Variants in ZNF385D observed in about 807,000 individuals in gnomAD.
ZNF385D encodes zinc finger protein 385D, also known as zinc finger protein 659.
In ZNF385D, 15 loss-of-function variants were observed where a neutral mutation model predicts 35.8. That is an observed-to-expected ratio of 0.42 (90% CI 0.28 to 0.64). The LOEUF (loss-of-function observed/expected upper bound fraction) is 0.64. ZNF385D is among the 30% of genes least tolerant of loss of function. The pLI is 0.23. For missense variants in ZNF385D, 474 were observed against 494.6 expected, an observed-to-expected ratio of 0.96 and a Z score of 0.39; for synonymous variants, 212 against 186.8, an observed-to-expected ratio of 1.13 and a Z score of -1.10.
chr3:21,819,284 T>G (rs770731273), intron 3 of ZNF385D, among the ~76,000 whole-genome samples: 75 of 151,804 alleles, frequency 4.9e-4, no homozygotes, highest in Admixed American at 9.2e-4. Context: ...ACAATCAATG[T>G]AAATAGACTA....
At chr3:22,143,665 C>A (rs1254963257) in intron 3 of ZNF385D, among the ~76,000 whole-genome samples, 1 of 151,962 alleles carries the variant, frequency 6.6e-6, no homozygotes, top group African/African-American at 2.4e-5. Flanking sequence ...CACACTGTTA[C>A]CAACAGTAAT....
At chr3:21,743,276 T>G (rs762700342) in intron 1 of ZNF385D, among the ~76,000 whole-genome samples, 2 of 152,216 alleles carry the variant, frequency 1.3e-5, no homozygotes, top group Non-Finnish European at 1.5e-5. Context: ...GGACTTTTTT[T>G]ATAAGCATTG....
intron 3 of ZNF385D, among the ~76,000 whole-genome samples, chr3:21,978,566 G>A (rs988914361): frequency 6.6e-5 from 10 of 152,158 alleles, no homozygotes; most frequent in African/African-American, 1.4e-4. Context: ...TGAGACATAC[G>A]TTTGTAATCA....
intron 2 of ZNF385D, among the ~76,000 whole-genome samples, chr3:22,311,005 C>T (rs1043652431): frequency 1.3e-5 from 2 of 151,182 alleles, no homozygotes; most frequent in African/African-American, 4.9e-5. Context: ...TAGTATCATA[C>T]GATGAATTGA....
intron 4 of ZNF385D, among the ~76,000 whole-genome samples, chr3:21,447,247 A>C (rs769668478): frequency 6.6e-6 from 1 of 152,158 alleles, no homozygotes; most frequent in Admixed American, 6.5e-5. Flanking sequence ...GACAAAAAGA[A>C]ACTCAATTTA....
At chr3:22,046,469 C>A (rs896475749) in intron 3 of ZNF385D, among the ~76,000 whole-genome samples, 4 of 151,918 alleles carry the variant, frequency 2.6e-5, no homozygotes, top group Non-Finnish European at 4.4e-5. Flanking sequence ...ATATTTAATC[C>A]GACCAAAAAA....
In ZNF385D at chr3:22,126,369, C is replaced by T. The variant is rs542270456; in HGVS notation, c.325+42448G>A. ...TAGGCACTTGTTGCTATTAACCTTC[C>T]TCTTACTAAGGTTTGGGTATGTTGT... On this transcript the variant is annotated intron_variant, in intron 3 of 5. Coordinates refer to the ZNF385D transcript ENST00000494108. Among the ~76,000 whole-genome samples, 16 of 141,500 alleles carry T rather than the reference C, an allele frequency of 1.1e-4. No individual in the cohort carries two copies. The East Asian group carries it at 3.4e-3, about 30-fold the overall frequency. The allele number at this position is 141,500 out of a possible 152,430, so 92.8% of individuals were successfully genotyped here.
At chr3:21,981,181 C>T (rs1439757696) in intron 3 of ZNF385D, among the ~76,000 whole-genome samples, 1 of 152,132 alleles carries the variant, frequency 6.6e-6, no homozygotes, top group African/African-American at 2.4e-5. Flanking sequence ...TACACTCCTA[C>T]CAACAGTGTA....
intron 5 of ZNF385D, among the ~76,000 whole-genome samples, chr3:21,435,594 G>A (rs1200712299): frequency 1.3e-5 from 2 of 152,042 alleles, no homozygotes; most frequent in Non-Finnish European, 2.9e-5. Flanking sequence ...AGTCTCAAAG[G>A]ACATGGTGTG....
chr3:21,626,828 G>T (rs995026068), intron 2 of ZNF385D, among the ~76,000 whole-genome samples: 2 of 151,980 alleles, frequency 1.3e-5, no homozygotes, highest in African/African-American at 4.8e-5. Flanking sequence ...GCAGGCAAGT[G>T]TGTTAGAATT....
intron 4 of ZNF385D, among the ~76,000 whole-genome samples, chr3:21,507,943 G>A (rs1706902528): frequency 6.6e-6 from 1 of 152,172 alleles, no homozygotes; most frequent in African/African-American, 2.4e-5. Flanking sequence ...AGAGAATTTG[G>A]CTCAAAATAT....
chr3:21,899,886 A>G (rs1311299456), intron 3 of ZNF385D, among the ~76,000 whole-genome samples: 1 of 152,176 alleles, frequency 6.6e-6, no homozygotes, highest in African/African-American at 2.4e-5. Context: ...AAGATATAGT[A>G]AAAATGGAAC....
intron 3 of ZNF385D, among the ~76,000 whole-genome samples, chr3:22,137,467 T>C (rs997108660): frequency 3.3e-5 from 5 of 152,162 alleles, no homozygotes; most frequent in African/African-American, 4.8e-5. Context: ...AAAAAGCTTA[T>C]CCACCATGAT....
chr3:22,092,988 AT>A (rs1326475099), intron 3 of ZNF385D, among the ~76,000 whole-genome samples: 2 of 152,196 alleles, frequency 1.3e-5, no homozygotes, highest in African/African-American at 4.8e-5. Context: ...AAATAAACTT[AT>A]CAAAACTTAG....
At chr3:21,806,680 G>C (rs181156902) in intron 3 of ZNF385D, among the ~76,000 whole-genome samples, 88 of 152,246 alleles carry the variant, frequency 5.8e-4, no homozygotes, top group South Asian at 3.9e-3. Flanking sequence ...ATGTTATATA[G>C]TAATAAAATT....
At chr3:21,926,689 T>C (rs1700746505) in intron 3 of ZNF385D, among the ~76,000 whole-genome samples, 1 of 152,090 alleles carries the variant, frequency 6.6e-6, no homozygotes. Context: ...CCTAAAACCA[T>C]AAAAACCTCA....
At chr3:21,441,519 T>C (rs989605410) in intron 4 of ZNF385D, among the ~76,000 whole-genome samples, 2 of 152,184 alleles carry the variant, frequency 1.3e-5, no homozygotes, top group East Asian at 3.8e-4. Flanking sequence ...TGATTTATTA[T>C]GCATGCTGAA....
intron 2 of ZNF385D, among the ~76,000 whole-genome samples, chr3:22,287,947 A>G (rs1400565414): frequency 6.6e-6 from 1 of 152,096 alleles, no homozygotes; most frequent in African/African-American, 2.4e-5. Context: ...TTCAGTGGGA[A>G]TAAACTCCCT....
Position 21,420,720 on chromosome 3 carries a change from G to C in ZNF385D, c.*494C>G, listed in dbSNP as rs1700695909. 6.5e-6 allele frequency: 1 copy of C among 153,626 alleles called. No individual in the cohort carries two copies. Among genetic ancestry groups the C allele is most frequent in the Non-Finnish European group, 1.4e-5 (1 of 69,046 alleles). 9.5% of individuals were successfully genotyped at this position (153,626 alleles called of 1,614,324 possible). ...TTGTTGGGATAAATACCCAGTAATT[G>C]CCGTCATAGCAAGAGGACCAGCACG... On this transcript the variant is annotated 3_prime_UTR_variant, in exon 8 of 8. Coordinates refer to ENST00000281523, the MANE Select transcript of ZNF385D (RefSeq NM_024697.3).
Sources: gnomAD v4.1 joint callset for allele counts (sites outside exome capture counted in the v4.1 genomes callset) on GRCh38, gnomAD v4.1.1 for gene constraint, MANE v1.5 for transcripts, NCBI Gene and HGNC (gene_info 2026-07-23, HGNC 2026-07-21) for gene names.